The following SUGCT variants were observed in gnomAD, a reference collection of about 807,000 sequenced individuals.
SUGCT encodes succinyl-CoA:glutarate-CoA transferase, also known as succinyl-CoA:glutarate CoA-transferase.
In SUGCT, 41 loss-of-function variants were observed where a neutral mutation model predicts 55.0. The observed-to-expected ratio is 0.74, with a 90% CI of 0.58 to 0.97. The LOEUF is 0.97. Among genes scored for constraint, SUGCT ranks in the 50% least tolerant of loss-of-function variants. The pLI is 0.00. For missense variants in SUGCT, 568 were observed against 547.8 expected (o/e 1.04, Z -0.37); for synonymous variants, 187 against 200.4 (o/e 0.93, Z 0.56).
the SUGCT span, among the ~76,000 whole-genome samples, chr7:40,953,502 C>T: frequency 2.6e-5 from 4 of 152,240 alleles, no homozygotes; most frequent in East Asian, 1.9e-4. Context: ...TGAGGAACTG[C>T]GTTCCTTTGG....
Position 40,599,075 on chromosome 7 carries a change from T to G in SUGCT, c.1089+102689T>G, listed in dbSNP as rs962087640. 7.9e-5 allele frequency among the ~76,000 whole-genome samples: 12 copies of G among 152,250 alleles called. 1 individual carries two copies. Among genetic ancestry groups the G allele is most frequent in the African/African-American group, 2.4e-5 (1 of 41,528 alleles). On this transcript the variant is annotated intron_variant, in intron 12 of 13. Coordinates refer to ENST00000335693, the MANE Select transcript of SUGCT (RefSeq NM_001193313.2). ...TCCTTCTAAATGAAATACTGTCTCT[T>G]GTTGCTGCTGCCAACTTCCGATGCC...
chr7:40,493,236 A>T (rs982643231), intron 11 of SUGCT, among the ~76,000 whole-genome samples: 1 of 152,166 alleles, frequency 6.6e-6, no homozygotes, highest in African/African-American at 2.4e-5. Flanking sequence ...ATTTCTCTGA[A>T]CCTGAGTTTC....
chr7:40,635,057 A>G (rs1799959414), intron 12 of SUGCT, among the ~76,000 whole-genome samples: 1 of 152,126 alleles, frequency 6.6e-6, no homozygotes, highest in Admixed American at 6.5e-5. Flanking sequence ...AGGCCGAGGC[A>G]GGTGGATCAC....
At chr7:40,931,393 T>C in the SUGCT span, among the ~76,000 whole-genome samples, 1 of 152,172 alleles carries the variant, frequency 6.6e-6, no homozygotes, top group African/African-American at 2.4e-5. Flanking sequence ...CTTTTTTTGT[T>C]GTATCTCTGC....
chr7:40,574,102 A>G (rs1344105218), intron 12 of SUGCT, among the ~76,000 whole-genome samples: 1 of 152,108 alleles, frequency 6.6e-6, no homozygotes, highest in East Asian at 1.9e-4. Flanking sequence ...AATTCCGCTT[A>G]TAACCAGGGC....
At chr7:40,867,746 A>G in the SUGCT span, among the ~76,000 whole-genome samples, 2 of 152,220 alleles carry the variant, frequency 1.3e-5, no homozygotes, top group African/African-American at 4.8e-5. Flanking sequence ...CTATTAAGCC[A>G]TGAATGAAGC....
chr7:40,583,656 A>T (rs999198451), intron 12 of SUGCT, among the ~76,000 whole-genome samples: 1 of 152,214 alleles, frequency 6.6e-6, no homozygotes, highest in Non-Finnish European at 1.5e-5. Flanking sequence ...ACATATGCAT[A>T]AATTGGCAAA....
At chr7:40,164,691 T>G (rs540949357) in intron 1 of SUGCT, among the ~76,000 whole-genome samples, 34 of 152,292 alleles carry the variant, frequency 2.2e-4, no homozygotes, top group African/African-American at 7.5e-4. Flanking sequence ...TCGATGTGAT[T>G]CTTTTGTGAG....
intron 12 of SUGCT, among the ~76,000 whole-genome samples, chr7:40,725,461 C>T (rs1786564443): frequency 6.6e-6 from 1 of 151,700 alleles, no homozygotes; most frequent in Non-Finnish European, 1.5e-5. Flanking sequence ...TTTCTGCATG[C>T]TCATATTTCC....
At chr7:40,351,109 G>T (rs2151198822) in intron 9 of SUGCT, among the ~76,000 whole-genome samples, 1 of 152,110 alleles carries the variant, frequency 6.6e-6, no homozygotes, top group Non-Finnish European at 1.5e-5. Context: ...TATATATAAT[G>T]AGTTGTGTAT....
At chr7:40,249,880 G>C (rs371002046) in intron 7 of SUGCT, among the ~76,000 whole-genome samples, 1 of 152,108 alleles carries the variant, frequency 6.6e-6, no homozygotes, top group Non-Finnish European at 1.5e-5. Context: ...TCTGCCTCCT[G>C]GGTTCATGAG....
At chr7:40,903,640 C>T in the SUGCT span, among the ~76,000 whole-genome samples, 4 of 152,088 alleles carry the variant, frequency 2.6e-5, no homozygotes, top group Admixed American at 1.3e-4. Context: ...TTAGATAAAC[C>T]CCCCTCTAGC....
intron 9 of SUGCT, among the ~76,000 whole-genome samples, chr7:40,330,993 C>A (rs371446784): frequency 6.6e-6 from 1 of 151,852 alleles, no homozygotes; most frequent in East Asian, 1.9e-4. Flanking sequence ...GACTTCCCTG[C>A]GCCACATTGA....
rs533757755 is a variant in SUGCT at position 40,486,354 on chromosome 7, GTCT to G, written c.987-9922_987-9920del. 1.4e-3 allele frequency among the ~76,000 whole-genome samples: 216 copies of G among 152,126 alleles called. 1 individual carries two copies. Among genetic ancestry groups the G allele is most frequent in the African/African-American group, 5.1e-3 (211 of 41,522 alleles). On this transcript the variant is annotated intron_variant, in intron 11 of 13. Coordinates refer to ENST00000335693, the MANE Select transcript of SUGCT (RefSeq NM_001193313.2). The stretch of plus-strand genomic sequence containing the variant: ...ATGTTTTTGGATTTTATTTATTTGA[GTCT>G]TCTTCTTTAAAGAACTTGGACCCCT...
intron 12 of SUGCT, among the ~76,000 whole-genome samples, chr7:40,707,772 A>G (rs1257033363): frequency 6.6e-6 from 1 of 152,222 alleles, no homozygotes; most frequent in Non-Finnish European, 1.5e-5. Flanking sequence ...AGGAATCTCC[A>G]TGGATGTAAG....
At chr7:40,704,772 G>A (rs761912111) in intron 12 of SUGCT, among the ~76,000 whole-genome samples, 5 of 152,138 alleles carry the variant, frequency 3.3e-5, no homozygotes, top group African/African-American at 4.8e-5. Flanking sequence ...AGGGCTTTAC[G>A]TTACATCATA....
At position 40,453,738 on chromosome 7, in the gene SUGCT, A is replaced by G. The variant is rs145742883; in HGVS notation, c.888+4380A>G. On this transcript the variant is annotated intron_variant, in intron 10 of 13. Coordinates refer to ENST00000335693, the MANE Select transcript of SUGCT (RefSeq NM_001193313.2). The stretch of plus-strand genomic sequence containing the variant: ...GAATTTAAACAAGACCCAGTGGCTC[A>G]TAATATAATGTTCAAAATGTCCAGG... Among the ~76,000 whole-genome samples, 96 of 152,394 alleles carry G rather than the reference A, an allele frequency of 6.3e-4. No individual in the cohort carries two copies. In the East Asian group the frequency reaches 0.015, roughly 24 times the overall value.
intron 6 of SUGCT, among the ~76,000 whole-genome samples, chr7:40,215,246 G>A (rs1787558401): frequency 6.6e-6 from 1 of 152,068 alleles, no homozygotes; most frequent in African/African-American, 2.4e-5. Flanking sequence ...GGGCTCAAAC[G>A]ATCTTCCTAC....
intron 9 of SUGCT, among the ~76,000 whole-genome samples, chr7:40,435,679 T>G (rs1341528588): frequency 6.6e-6 from 1 of 152,158 alleles, no homozygotes; most frequent in Non-Finnish European, 1.5e-5. Flanking sequence ...CTTCTGCTTT[T>G]GCCTATATTC....
Sources: gnomAD v4.1 joint callset for allele counts (sites outside exome capture counted in the v4.1 genomes callset) on GRCh38, gnomAD v4.1.1 for gene constraint, MANE v1.5 for transcripts, NCBI Gene and HGNC (gene_info 2026-07-23, HGNC 2026-07-21) for gene names.